Variants in ITFG1 observed in about 807,000 individuals in gnomAD.
The protein encoded by ITFG1 is integrin alpha FG-GAP repeat containing 1, also known as T-cell immunomodulatory protein.
ITFG1 carries 34 observed loss-of-function variants against 81.8 expected under a neutral mutation model. The ratio of observed to expected loss-of-function variants is 0.42; its 90% confidence interval spans 0.32 to 0.55. The LOEUF is 0.55. ITFG1 is among the 20% of genes least tolerant of loss of function. The probability of loss-of-function intolerance (pLI) is 0.17; values close to 1 mark genes in which losing one functional copy is unlikely to be tolerated. For synonymous variants in ITFG1, 285 were observed against 270.6 expected (o/e 1.05, Z -0.52); for missense variants, 672 against 755.4 (o/e 0.89, Z 1.29).
intron 8 of ITFG1, among the ~76,000 whole-genome samples, chr16:47,337,917 C>T (rs928636485): frequency 2.0e-5 from 3 of 152,236 alleles, no homozygotes; most frequent in Non-Finnish European, 4.4e-5. Flanking sequence ...CAGAGCCAGT[C>T]TGCAAAGACT....
chr16:47,240,007 T>A (rs1014970029), intron 12 of ITFG1, among the ~76,000 whole-genome samples: 1 of 151,924 alleles, frequency 6.6e-6, no homozygotes, highest in Non-Finnish European at 1.5e-5. Flanking sequence ...GATGGCTTAT[T>A]CAGGCTAGGC....
chr16:47,459,168 G>A lies in ITFG1; in HGVS notation c.216C>T (p.Asp72=). 2 of 1,590,928 alleles carry A rather than the reference G, an allele frequency of 1.3e-6. No homozygotes were observed. The highest frequency in any genetic ancestry group is 1.7e-6 in the Non-Finnish European group (2 of 1,159,354). ...TCTGGTCTGCCAAAAAGACGATTAAGTCATTTCCTAAAGAAAACAAATATA... is the reference window on the plus strand; with the variant it reads ...TCTGGTCTGCCAAAAAGACGATTAAATCATTTCCTAAAGAAAACAAATATA... ...TDLFVLRERN[D]LIVFLADQNA... The change falls in exon 2 of 18, where the codon GAC becomes GAT. Residue 72 remains aspartate, a synonymous_variant. Coordinates refer to ENST00000320640, the MANE Select transcript of ITFG1 (RefSeq NM_030790.5).
intron 7 of ITFG1, among the ~76,000 whole-genome samples, chr16:47,369,353 G>A (rs1476969639): frequency 1.3e-5 from 2 of 152,166 alleles, no homozygotes; most frequent in Non-Finnish European, 2.9e-5. Flanking sequence ...GCCATTCATC[G>A]TTCTAGGCTT....
At chr16:47,176,117 G>A (rs903956767) in intron 14 of ITFG1, among the ~76,000 whole-genome samples, 1 of 152,176 alleles carries the variant, frequency 6.6e-6, no homozygotes, top group African/African-American at 2.4e-5. Flanking sequence ...TATCCCTGCA[G>A]GGTAAGAATA....
chr16:47,211,295 A>G (rs959259584), intron 14 of ITFG1, among the ~76,000 whole-genome samples: 3 of 152,204 alleles, frequency 2.0e-5, no homozygotes, highest in Non-Finnish European at 2.9e-5. Context: ...GAGAATAGAA[A>G]TGTATTTTTA....
intron 14 of ITFG1, among the ~76,000 whole-genome samples, chr16:47,180,672 C>G (rs575510060): frequency 1.6e-4 from 24 of 152,300 alleles, no homozygotes; most frequent in African/African-American, 4.8e-4. Flanking sequence ...GACGGAGTCT[C>G]GTTCACTCAG....
chr16:47,253,918 G>A (rs1236233767), intron 12 of ITFG1, among the ~76,000 whole-genome samples: 2 of 152,058 alleles, frequency 1.3e-5, no homozygotes, highest in African/African-American at 4.8e-5. Context: ...GCGTTAGGGT[G>A]TGCTTTAACA....
Position 47,162,544 on chromosome 16 carries a change from T to A in ITFG1, c.1574A>T (p.Glu525Val). 1 of 1,599,696 alleles carries A rather than the reference T, an allele frequency of 6.3e-7. No homozygotes were observed. Among genetic ancestry groups the A allele is most frequent in the Middle Eastern group, 1.7e-4 (1 of 6,008 alleles). ...LYVGIPRPSG[E>V]KSIRKQEWTA... ...ACAAAATGAATTTTTACTCACTTTT[T>A]CTCCAGATGGACGGGGAATACCAAC... is the stretch of plus-strand genomic sequence containing the variant. Residue 525 changes from glutamate (E) to valine (V), a missense_variant, in exon 15 of 18, where the codon GAA becomes GTA. Transcript: ENST00000320640.
At chr16:47,345,490 G>T (rs1242372285) in intron 8 of ITFG1, among the ~76,000 whole-genome samples, 1 of 151,936 alleles carries the variant, frequency 6.6e-6, no homozygotes, top group South Asian at 2.1e-4. Flanking sequence ...GTAGAGATGG[G>T]GTTTCACCAT....
intron 10 of ITFG1, among the ~76,000 whole-genome samples, chr16:47,285,594 T>C (rs1350367482): frequency 2.0e-5 from 3 of 152,122 alleles, no homozygotes; most frequent in South Asian, 2.1e-4. Context: ...GATCTGACAC[T>C]ATCTCCAGGA....
intron 5 of ITFG1, among the ~76,000 whole-genome samples, chr16:47,435,251 A>G (rs1969150902): frequency 6.6e-6 from 1 of 152,228 alleles, no homozygotes; most frequent in African/African-American, 2.4e-5. Context: ...AGCAGATACC[A>G]TATTTTTCAA....
intron 10 of ITFG1, among the ~76,000 whole-genome samples, chr16:47,308,352 C>T (rs944378183): frequency 2.6e-5 from 4 of 152,300 alleles, no homozygotes; most frequent in African/African-American, 4.8e-5. Flanking sequence ...AATGTTCCCA[C>T]AGATGTAGGC....
rs1490152468 is a variant in ITFG1 at position 47,154,633 on chromosome 16, A to G, written c.*1086T>C. On this transcript the variant is annotated 3_prime_UTR_variant, in exon 18 of 18. Coordinates refer to ENST00000320640, the MANE Select transcript of ITFG1 (RefSeq NM_030790.5). Reference sequence around the variant, plus strand: ...AACTTTTTGGAAATGTGAAGTTCACAATACAAAATTTGCATTGAAGTCTGA... The same window carrying G: ...AACTTTTTGGAAATGTGAAGTTCACGATACAAAATTTGCATTGAAGTCTGA... The G allele has an allele frequency of 1.3e-5, 2 of 152,180 alleles. No individual in the cohort carries two copies. Among genetic ancestry groups the G allele is most frequent in the African/African-American group, 4.8e-5 (2 of 41,446 alleles). 9.4% of individuals were successfully genotyped at this position (152,180 alleles called of 1,614,324 possible).
At chr16:47,433,485 C>T (rs1314789284) in intron 5 of ITFG1, among the ~76,000 whole-genome samples, 2 of 152,040 alleles carry the variant, frequency 1.3e-5, no homozygotes, top group South Asian at 2.1e-4. Context: ...TCCTTCCTGG[C>T]GCCTAACAAA....
At position 47,407,503 on chromosome 16, in the gene ITFG1, G is replaced by A. The variant is rs576775341; in HGVS notation, c.655+21301C>T. ...GTAACTGGGATTACAGACATGCCTG[G>A]CTAATTTTTCTTTTTGTATTTTTAG... On this transcript the variant is annotated intron_variant, in intron 6 of 17. Coordinates refer to ENST00000320640, the MANE Select transcript of ITFG1 (RefSeq NM_030790.5). 2.0e-3 allele frequency among the ~76,000 whole-genome samples: 305 copies of A among 152,144 alleles called. 4 individuals are homozygous for A. Among genetic ancestry groups the A allele is most frequent in the Non-Finnish European group, 3.3e-3 (222 of 67,992 alleles).
chr16:47,328,136 C>T (rs1316228867), intron 8 of ITFG1, among the ~76,000 whole-genome samples: 1 of 152,104 alleles, frequency 6.6e-6, no homozygotes, highest in Admixed American at 6.5e-5. Flanking sequence ...GAATACTATG[C>T]AGCCATAAAA....
chr16:47,352,976 A>G (rs925046489), intron 8 of ITFG1, among the ~76,000 whole-genome samples: 10 of 151,524 alleles, frequency 6.6e-5, no homozygotes, highest in African/African-American at 2.4e-4. Context: ...ACCAAACACC[A>G]CATGTTCTCA....
intron 10 of ITFG1, among the ~76,000 whole-genome samples, chr16:47,283,341 C>A (rs2151551264): frequency 6.6e-6 from 1 of 152,244 alleles, no homozygotes; most frequent in South Asian, 2.1e-4. Flanking sequence ...AAGAGACTGT[C>A]CTCTCCCCAT....
At chr16:47,231,423 A>C (rs1381693537) in intron 13 of ITFG1, among the ~76,000 whole-genome samples, 1 of 152,258 alleles carries the variant, frequency 6.6e-6, no homozygotes. Flanking sequence ...ATCAGAAAAC[A>C]GGAATATAAA....
Sources: gnomAD v4.1 joint callset for allele counts (sites outside exome capture counted in the v4.1 genomes callset) on GRCh38, gnomAD v4.1.1 for gene constraint, MANE v1.5 for transcripts, NCBI Gene and HGNC (gene_info 2026-07-23, HGNC 2026-07-21) for gene names.